The following SHISA9 variants were observed in gnomAD, a reference collection of about 807,000 sequenced individuals.
SHISA9 encodes shisa family member 9.
Under a neutral mutation model 38.0 loss-of-function variants are expected in SHISA9, and 13 were observed. That is an observed-to-expected ratio of 0.34 (90% CI 0.22 to 0.54). SHISA9 has a LOEUF of 0.54. Among genes scored for constraint, SHISA9 ranks in the 20% least tolerant of loss-of-function variants. The probability of loss-of-function intolerance (pLI) is 0.91; values close to 1 mark genes in which losing one functional copy is unlikely to be tolerated. For missense variants in SHISA9, 538 were observed against 575.8 expected (o/e 0.93, Z 0.67); for synonymous variants, 275 against 242.0 (o/e 1.14, Z -1.27).
the SHISA9 span, among the ~76,000 whole-genome samples, chr16:13,261,546 A>C: frequency 6.6e-6 from 1 of 152,202 alleles, no homozygotes; most frequent in Admixed American, 6.5e-5. Flanking sequence ...CTGATGAAAC[A>C]CCAGAATTTA....
the SHISA9 span, among the ~76,000 whole-genome samples, chr16:13,256,308 T>G: frequency 6.6e-6 from 1 of 152,126 alleles, no homozygotes; most frequent in African/African-American, 2.4e-5. Flanking sequence ...TGAGATGGAG[T>G]TTCACTGTTG....
At chr16:13,483,264 G>A in the SHISA9 span, among the ~76,000 whole-genome samples, 2 of 152,086 alleles carry the variant, frequency 1.3e-5, no homozygotes, top group Admixed American at 6.5e-5. Flanking sequence ...ATTTAGGGCT[G>A]GATTGGTTGC....
chr16:13,217,999 C>T (rs1262084650), intron 4 of SHISA9, among the ~76,000 whole-genome samples: 1 of 122,898 alleles, frequency 8.1e-6, no homozygotes, highest in African/African-American at 3.1e-5. Context: ...CACTGCACTC[C>T]AACCTGAGAG....
chr16:13,247,521 A>G, the SHISA9 span, among the ~76,000 whole-genome samples: 2 of 152,110 alleles, frequency 1.3e-5, no homozygotes, highest in African/African-American at 4.8e-5. Flanking sequence ...AATTTCTAGC[A>G]CCCCACTTAA....
intron 2 of SHISA9, among the ~76,000 whole-genome samples, chr16:13,014,453 G>A (rs969521856): frequency 6.6e-6 from 1 of 152,218 alleles, no homozygotes; most frequent in African/African-American, 2.4e-5. Context: ...ATTAAGCAGA[G>A]CAAGTGATAA....
chr16:13,347,242 T>A, the SHISA9 span, among the ~76,000 whole-genome samples: 1 of 152,198 alleles, frequency 6.6e-6, no homozygotes, highest in Non-Finnish European at 1.5e-5. Context: ...TATACTTATT[T>A]AATTCTTAAA....
the SHISA9 span, among the ~76,000 whole-genome samples, chr16:13,388,023 G>A: frequency 3.0e-4 from 46 of 152,240 alleles, no homozygotes; most frequent in Non-Finnish European, 6.3e-4. Flanking sequence ...TCTTCTACAA[G>A]CCTTGGTATT....
chr16:13,137,541 C>T (rs566236652), intron 2 of SHISA9, among the ~76,000 whole-genome samples: 10 of 147,880 alleles, frequency 6.8e-5, no homozygotes, highest in East Asian at 6.0e-4. Flanking sequence ...CTGCAACGTC[C>T]GCCTCCCGGG....
the SHISA9 span, among the ~76,000 whole-genome samples, chr16:13,385,951 A>G: frequency 1.5e-3 from 228 of 152,362 alleles, no homozygotes; most frequent in Admixed American, 4.8e-3. Flanking sequence ...TGACAAAATT[A>G]GATGAGTGGT....
chr16:12,981,235 T>C (rs139224926), intron 2 of SHISA9, among the ~76,000 whole-genome samples: 2 of 152,336 alleles, frequency 1.3e-5, no homozygotes, highest in Non-Finnish European at 2.9e-5. Context: ...GAACCCCAGA[T>C]ACCAGAAACC....
chr16:12,911,864 A>G (rs192994966), intron 1 of SHISA9, among the ~76,000 whole-genome samples: 2 of 152,336 alleles, frequency 1.3e-5, no homozygotes, highest in Non-Finnish European at 2.9e-5. Flanking sequence ...TGGTTAGCCA[A>G]GTCAAAAGTA....
chr16:12,987,527 G>A (rs34201254), intron 2 of SHISA9, among the ~76,000 whole-genome samples: 15,731 of 152,148 alleles, frequency 0.1, 1,206 homozygotes, highest in African/African-American at 0.21. Context: ...TCTCATTCAT[G>A]AGTGGAAGCT....
intron 2 of SHISA9, among the ~76,000 whole-genome samples, chr16:13,182,510 A>G (rs1032934536): frequency 2.0e-5 from 3 of 152,138 alleles, no homozygotes; most frequent in East Asian, 1.9e-4. Context: ...TAAGGGTTCT[A>G]TTTTTCCTCT....
At chr16:13,081,441 A>C (rs929170937) in intron 2 of SHISA9, among the ~76,000 whole-genome samples, 1 of 152,182 alleles carries the variant, frequency 6.6e-6, no homozygotes, top group African/African-American at 2.4e-5. Context: ...GCCAAGGGAA[A>C]CTGGGCTGAA....
chr16:13,078,652 C>T (rs2073612106), intron 2 of SHISA9, among the ~76,000 whole-genome samples: 5 of 152,198 alleles, frequency 3.3e-5, no homozygotes, highest in Admixed American at 3.3e-4. Flanking sequence ...GTGACCCGCC[C>T]ACCTTGGTCT....
intron 2 of SHISA9, among the ~76,000 whole-genome samples, chr16:13,025,964 C>T (rs571239613): frequency 2.0e-5 from 3 of 152,184 alleles, no homozygotes; most frequent in South Asian, 2.1e-4. Flanking sequence ...CACCACCATG[C>T]CCAGCTAATT....
chr16:13,179,101 A>C (rs1239214071), intron 2 of SHISA9, among the ~76,000 whole-genome samples: 1 of 152,120 alleles, frequency 6.6e-6, no homozygotes, highest in Non-Finnish European at 1.5e-5. Flanking sequence ...TGGGCAGCTG[A>C]TTTGAGGTCA....
chr16:13,502,394 C>T, the SHISA9 span, among the ~76,000 whole-genome samples: 5 of 152,292 alleles, frequency 3.3e-5, no homozygotes, highest in African/African-American at 7.2e-5. Flanking sequence ...GGCAGAGATA[C>T]AGCACTAGAA....
At chr16:13,367,708 G>GCA in the SHISA9 span, among the ~76,000 whole-genome samples, 1,439 of 116,552 alleles carry the variant, frequency 0.012, 13 homozygotes, top group African/African-American at 0.026. Context: ...GCGCGCGCGC[G>GCA]CGCGCACACA....
Sources: gnomAD v4.1 joint callset for allele counts (sites outside exome capture counted in the v4.1 genomes callset) on GRCh38, gnomAD v4.1.1 for gene constraint, MANE v1.5 for transcripts, NCBI Gene and HGNC (gene_info 2026-07-23, HGNC 2026-07-21) for gene names.